Variants in BAZ1A observed in about 807,000 individuals in gnomAD.
BAZ1A encodes bromodomain adjacent to zinc finger domain protein 1A.
Under a neutral mutation model 185.2 loss-of-function variants are expected in BAZ1A, and 50 were observed. That is an observed-to-expected ratio of 0.27 (90% CI 0.22 to 0.34). The LOEUF is 0.34. BAZ1A is among the 10% of genes least tolerant of loss of function. BAZ1A has a pLI of 1.00. For synonymous variants in BAZ1A, 571 were observed against 615.6 expected, an observed-to-expected ratio of 0.93 and a Z score of 1.07; for missense variants, 1,356 against 1,839.9, an observed-to-expected ratio of 0.74 and a Z score of 4.81.
At chr14:34,831,110 ATC>A (rs758042152) in intron 3 of BAZ1A, among the ~76,000 whole-genome samples, 3 of 152,164 alleles carry the variant, frequency 2.0e-5, no homozygotes, top group Non-Finnish European at 4.4e-5. Context: ...TGCTGACTAT[ATC>A]ATTCATTTGG....
chr14:34,865,293 G>A (rs959275686), intron 2 of BAZ1A, among the ~76,000 whole-genome samples: 4 of 152,030 alleles, frequency 2.6e-5, no homozygotes, highest in African/African-American at 4.8e-5. Flanking sequence ...ATGCAAAAGG[G>A]TTAACAATGG....
chr14:34,832,191 T>TACACACACACACAC (rs57379319), intron 3 of BAZ1A, among the ~76,000 whole-genome samples: 96 of 96,482 alleles, frequency 1.0e-3, no homozygotes, highest in Non-Finnish European at 1.4e-3. Flanking sequence ...TATATACATA[T>TACACACACACACAC]ACACACACAC....
chr14:34,759,869 T>G (rs1024717937), intron 24 of BAZ1A, among the ~76,000 whole-genome samples: 2 of 152,014 alleles, frequency 1.3e-5, no homozygotes, highest in African/African-American at 4.8e-5. Flanking sequence ...GAGATGGGGT[T>G]TCACTGTGTT....
At chr14:34,873,095 T>C (rs1345246334) in intron 2 of BAZ1A, among the ~76,000 whole-genome samples, 1 of 152,118 alleles carries the variant, frequency 6.6e-6, no homozygotes, top group Non-Finnish European at 1.5e-5. Context: ...ATATAACATG[T>C]TTAACGTGTA....
intron 25 of BAZ1A, among the ~76,000 whole-genome samples, chr14:34,755,772 T>C (rs541351099): frequency 5.1e-4 from 78 of 152,078 alleles, no homozygotes; most frequent in African/African-American, 1.8e-3. Flanking sequence ...TCTCATATCC[T>C]TCAGTTTGAT....
rs533602705 is a variant in BAZ1A, at chr14:34,837,374, T to C, written c.393-11218A>G. ...CTCTAACCTCAGCCTCCTAAGTAGCTGGGACTACAGGCGAATACCACCACC... is the reference window on the plus strand; with the variant it reads ...CTCTAACCTCAGCCTCCTAAGTAGCCGGGACTACAGGCGAATACCACCACC... On this transcript the variant is annotated intron_variant, in intron 3 of 26. Transcript: ENST00000360310. 5.9e-5 allele frequency among the ~76,000 whole-genome samples: 9 copies of C among 151,358 alleles called. No individual in the cohort carries two copies. In the South Asian group the frequency reaches 1.7e-3, roughly 28 times the overall value.
At chr14:34,822,222 G>A (rs2042100152) in intron 4 of BAZ1A, among the ~76,000 whole-genome samples, 1 of 152,196 alleles carries the variant, frequency 6.6e-6, no homozygotes, top group Non-Finnish European at 1.5e-5. Flanking sequence ...TTAAACCAGG[G>A]AGGTGGAGTT....
At chr14:34,841,149 T>A (rs1030079976) in intron 3 of BAZ1A, among the ~76,000 whole-genome samples, 6 of 152,082 alleles carry the variant, frequency 3.9e-5, no homozygotes, top group Non-Finnish European at 8.8e-5. Flanking sequence ...GGTTTCACCA[T>A]GATGGTCAGG....
At chr14:34,843,119 TAA>T (rs11389052) in intron 3 of BAZ1A, among the ~76,000 whole-genome samples, 3 of 141,214 alleles carry the variant, frequency 2.1e-5, no homozygotes, top group Admixed American at 7.1e-5. Context: ...AGGGACTGGC[TAA>T]AAAAAAAAAA....
At chr14:34,805,670 C>T (rs752439143) in intron 6 of BAZ1A, among the ~76,000 whole-genome samples, 4 of 152,184 alleles carry the variant, frequency 2.6e-5, no homozygotes, top group Non-Finnish European at 5.9e-5. Flanking sequence ...AAGGCAGATA[C>T]ATAAATATGC....
chr14:34,762,368 G>T (rs1306463462), intron 23 of BAZ1A, 145 bp from the exon 24 acceptor site: 5 of 703,870 alleles, frequency 7.1e-6, no homozygotes, highest in Non-Finnish European at 1.1e-5. Context: ...ATTCCTTAAA[G>T]AGTCAGTAAG....
intron 25 of BAZ1A, 127 bp from the exon 26 acceptor site, chr14:34,755,041 T>C: frequency 1.7e-6 from 1 of 580,010 alleles, no homozygotes; most frequent in Non-Finnish European, 3.0e-6. Flanking sequence ...TGCTCATGAC[T>C]CTCTCCTCTC....
chr14:34,854,808 A>G (rs1395364876), intron 3 of BAZ1A, among the ~76,000 whole-genome samples: 1 of 152,028 alleles, frequency 6.6e-6, no homozygotes, highest in South Asian at 2.1e-4. Flanking sequence ...GGCTCGGCAC[A>G]GTGGCTCATG....
intron 4 of BAZ1A, among the ~76,000 whole-genome samples, chr14:34,823,946 CAT>C (rs1391638614): frequency 3.3e-5 from 5 of 152,060 alleles, no homozygotes; most frequent in Non-Finnish European, 7.4e-5. Flanking sequence ...CCAAACAAAA[CAT>C]ATGAACTACT....
In BAZ1A at chr14:34,802,807, T is replaced by C. The variant is rs765616649; in HGVS notation, c.861+47A>G. On this transcript the variant is annotated intron_variant, in intron 7 of 26. Coordinates refer to ENST00000360310, the MANE Select transcript of BAZ1A (RefSeq NM_013448.3). ...AAACATACTTCTTGATTCTGAATACTGTTTTACTAACAGTGAAAATGTAGT... is the reference window on the plus strand; with the variant it reads ...AAACATACTTCTTGATTCTGAATACCGTTTTACTAACAGTGAAAATGTAGT... The C allele has an allele frequency of 1.0e-5, 16 of 1,563,638 alleles. No homozygotes were observed. The East Asian group carries it at 3.6e-4, about 35-fold the overall frequency.
intron 3 of BAZ1A, among the ~76,000 whole-genome samples, chr14:34,849,966 T>C (rs895785327): frequency 2.0e-5 from 3 of 152,282 alleles, no homozygotes; most frequent in East Asian, 1.9e-4. Context: ...CCTTCAAACT[T>C]TGAGTGTCTA....
chr14:34,787,363 A>AAAAGAAAAGAAAAG (rs1555339666), intron 12 of BAZ1A, among the ~76,000 whole-genome samples: 15 of 112,822 alleles, frequency 1.3e-4, no homozygotes, highest in Non-Finnish European at 2.6e-4. Flanking sequence ...AAAAAAAAAA[A>AAAAGAAAAGAAAAG]AAAAAGAAAA....
chr14:34,866,538 A>C (rs1017074007), intron 2 of BAZ1A, among the ~76,000 whole-genome samples: 1 of 143,214 alleles, frequency 7.0e-6, no homozygotes, highest in Non-Finnish European at 1.5e-5. Flanking sequence ...AGAAACAAAC[A>C]TATCTATAAT....
Position 34,783,129 on chromosome 14 carries a change from T to C in BAZ1A, c.2101A>G (p.Ile701Val). ...EDEQRNSTAD[I>V]SIGEEEREDF... ...TGATTCAAACCATACCCAATAGATA[T>C]ATCTGCCGTTGAATTTCTTTGCTCA... Residue 701 changes from isoleucine to valine, a missense_variant, in exon 16 of 27, where the codon ATA (isoleucine) becomes GTA (valine). Transcript: ENST00000360310. The C allele has an allele frequency of 2.5e-6, 4 of 1,599,878 alleles. No homozygotes were observed. Among genetic ancestry groups the C allele is most frequent in the Non-Finnish European group, 3.4e-6 (4 of 1,168,018 alleles).
Sources: gnomAD v4.1 joint callset for allele counts (sites outside exome capture counted in the v4.1 genomes callset) on GRCh38, gnomAD v4.1.1 for gene constraint, MANE v1.5 for transcripts, NCBI Gene and HGNC (gene_info 2026-07-23, HGNC 2026-07-21) for gene names.